CRYZ: variants seen among roughly 807,000 people sequenced by gnomAD.
The protein encoded by CRYZ is crystallin zeta, also known as zeta-crystallin.
Under a neutral mutation model 34.1 loss-of-function variants are expected in CRYZ, and 35 were observed. The ratio of observed to expected loss-of-function variants is 1.03; its 90% CI spans 0.78 to 1.36. CRYZ has a LOEUF of 1.36. Ranked by LOEUF, CRYZ falls within the 40% of genes most tolerant of loss-of-function variation. CRYZ has a pLI of 0.00. For missense variants in CRYZ, 403 were observed against 391.8 expected (o/e 1.03, Z -0.24); for synonymous variants, 137 against 136.5 (o/e 1.00, Z -0.03).
intron 2 of CRYZ, among the ~76,000 whole-genome samples, chr1:74,723,765 G>A (rs1010224963): frequency 7.2e-5 from 11 of 152,220 alleles, no homozygotes; most frequent in African/African-American, 2.4e-4. Flanking sequence ...AGAGCCACAT[G>A]AAAGAAGAAG....
intron 3 of CRYZ, among the ~76,000 whole-genome samples, chr1:74,722,757 A>G (rs1254304729): frequency 6.6e-6 from 1 of 152,150 alleles, no homozygotes; most frequent in Non-Finnish European, 1.5e-5. Context: ...CAAAATTTAT[A>G]AGAGAAATTA....
chr1:74,723,224 T>G lies in CRYZ; in HGVS notation c.158A>C (p.Tyr53Ser). ...HACGVNPVETYIRSGTYSRKP... is the reference protein window; with the variant it reads ...HACGVNPVETSIRSGTYSRKP... The stretch of plus-strand genomic sequence containing the variant: ...TCTACTATAAGTACCAGAGCGAATG[T>G]ATGTCTCCACGGGGTTGACACCACA... The change falls in exon 3 of 9, where the codon TAC becomes TCC. Residue 53 changes from tyrosine (Y) to serine (S), a missense_variant. Coordinates refer to ENST00000340866, the MANE Select transcript of CRYZ (RefSeq NM_001889.4). 1 of 1,614,036 alleles carries G rather than the reference T, an allele frequency of 6.2e-7. No homozygotes were observed. Among genetic ancestry groups the G allele is most frequent in the Non-Finnish European group, 8.5e-7 (1 of 1,179,948 alleles).
At chr1:74,717,055 T>A (rs1439792724) in intron 4 of CRYZ, among the ~76,000 whole-genome samples, 1 of 152,102 alleles carries the variant, frequency 6.6e-6, no homozygotes, top group East Asian at 1.9e-4. Flanking sequence ...CAACACTCCA[T>A]CTCCCTATCC....
At chr1:74,707,335 G>C in intron 6 of CRYZ, 131 bp from the exon 7 acceptor site, 1 of 579,880 alleles carries the variant, frequency 1.7e-6, no homozygotes, top group Non-Finnish European at 3.0e-6. Context: ...GACTAATAAT[G>C]CAAAATTTTA....
intron 3 of CRYZ, among the ~76,000 whole-genome samples, chr1:74,722,270 A>C (rs190332780): frequency 6.6e-6 from 1 of 151,914 alleles, no homozygotes; most frequent in East Asian, 1.9e-4. Flanking sequence ...AAGTTTAAAG[A>C]AAAAGTTAAG....
chr1:74,724,569 T>A (rs941918848), intron 2 of CRYZ, 142 bp downstream of exon 2: 4 of 519,276 alleles, frequency 7.7e-6, no homozygotes, highest in African/African-American at 5.9e-5. Context: ...ACTTTATCAA[T>A]GTCCATATGT....
Position 74,723,239 on chromosome 1 carries a change from T to C in CRYZ, c.143A>G (p.Asn48Ser). 6.2e-7 allele frequency: 1 copy of C among 1,613,682 alleles called. No individual in the cohort carries two copies. Among genetic ancestry groups the C allele is most frequent in the Non-Finnish European group, 8.5e-7 (1 of 1,179,884 alleles). ...VLIKVHACGV[N>S]PVETYIRSGT... The stretch of plus-strand genomic sequence containing the variant: ...AGAGCGAATGTATGTCTCCACGGGG[T>C]TGACACCACATGCATGGACCTTGAT... The change falls in exon 3 of 9, where the codon AAC (asparagine) becomes AGC (serine). Residue 48 changes from asparagine (N) to serine (S), a missense_variant. Physicochemically the swap from Asn to Ser is conservative, Grantham distance 46. Transcript: ENST00000340866.
In CRYZ at chr1:74,705,622, A is replaced by G. The variant is rs2100684872; in HGVS notation, c.*674T>C. The G allele has an allele frequency of 6.6e-6, 1 of 152,276 alleles. No individual in the cohort carries two copies. Among genetic ancestry groups the G allele is most frequent in the East Asian group, 1.9e-4 (1 of 5,190 alleles). 9.4% of individuals were successfully genotyped at this position (152,276 alleles called of 1,614,324 possible). A position where few individuals can be genotyped will look rare whatever the true frequency, so the allele number is the denominator to read the frequency against. On this transcript the variant is annotated 3_prime_UTR_variant, in exon 9 of 9. Transcript: ENST00000340866. ...CAGAAAAACAGATAACTCTAAATCT[A>G]CTCTGAAAATCTAATCAATTGCGAA...
Position 74,707,138 on chromosome 1 carries a change from C to G in CRYZ, c.697G>C (p.Asp233His). The G allele has an allele frequency of 6.3e-7, 1 of 1,589,706 alleles. No homozygotes were observed. Among genetic ancestry groups the G allele is most frequent in the Non-Finnish European group, 8.6e-7 (1 of 1,167,046 alleles). Reference sequence around the variant, plus strand: ...CCTCCATGTGACAGAAGACTCAAGTCTTTACTAAGATTTACATTAGCTAAC... The same window carrying G: ...CCTCCATGTGACAGAAGACTCAAGTGTTTACTAAGATTTACATTAGCTAAC... Reference protein sequence around the residue: ...EMLANVNLSKDLSLLSHGGRV... With the variant: ...EMLANVNLSKHLSLLSHGGRV... The change falls in exon 7 of 9, where the codon GAC becomes CAC. Residue 233 changes from aspartate to histidine, a missense_variant. Coordinates refer to ENST00000340866, the MANE Select transcript of CRYZ (RefSeq NM_001889.4).
chr1:74,716,627 C>T (rs1647079121), intron 4 of CRYZ, among the ~76,000 whole-genome samples: 2 of 152,136 alleles, frequency 1.3e-5, no homozygotes, highest in Non-Finnish European at 2.9e-5. Flanking sequence ...ATATCAGATG[C>T]CAATAACCAA....
chr1:74,706,351 T>C lies in CRYZ; in HGVS notation c.935A>G (p.His312Arg). ...CCCACTACCATGAATGATATTTTCATGAGCCTCGGCCACCTTCTCCAATGG... is the reference window on the plus strand; with the variant it reads ...CCCACTACCATGAATGATATTTTCACGAGCCTCGGCCACCTTCTCCAATGG... ...QYPLEKVAEA[H>R]ENIIHGSGAT... The change falls in exon 9 of 9, where the codon CAT (histidine) becomes CGT (arginine). Residue 312 changes from histidine to arginine, a missense_variant. His to Arg is a conservative substitution (Grantham distance 29). Coordinates refer to ENST00000340866, the MANE Select transcript of CRYZ (RefSeq NM_001889.4). 1 of 1,612,744 alleles carries C rather than the reference T, an allele frequency of 6.2e-7. No individual in the cohort carries two copies. Among genetic ancestry groups the C allele is most frequent in the Non-Finnish European group, 8.5e-7 (1 of 1,179,258 alleles).
At chr1:74,727,772 T>A (rs1045282020) in intron 1 of CRYZ, among the ~76,000 whole-genome samples, 1 of 152,140 alleles carries the variant, frequency 6.6e-6, no homozygotes, top group Non-Finnish European at 1.5e-5. Context: ...GTGGGAATTA[T>A]GGGAGCTACA....
Position 74,712,475 on chromosome 1 carries a change from G to C in CRYZ, c.480+2104C>G, listed in dbSNP as rs540130816. Among the ~76,000 whole-genome samples the C allele has an allele frequency of 3.9e-5, 6 of 152,290 alleles. No individual in the cohort carries two copies. The East Asian group carries it at 1.2e-3, about 29-fold the overall frequency. On this transcript the variant is annotated intron_variant, in intron 5 of 8. Coordinates refer to ENST00000340866, the MANE Select transcript of CRYZ (RefSeq NM_001889.4). ...CCGGGTTCGGCAAGAAAAGAATTAAGATGAAAAATAATGATAGAAACAGAT... is the reference window on the plus strand; with the variant it reads ...CCGGGTTCGGCAAGAAAAGAATTAACATGAAAAATAATGATAGAAACAGAT...
intron 8 of CRYZ, 140 bp downstream of exon 8, chr1:74,706,759 G>A: frequency 5.6e-6 from 4 of 715,822 alleles, no homozygotes; most frequent in Non-Finnish European, 9.8e-6. Flanking sequence ...CACCCTAGTT[G>A]TCCTTCTGGT....
intron 5 of CRYZ, among the ~76,000 whole-genome samples, chr1:74,711,597 T>C (rs1647004307): frequency 6.6e-6 from 1 of 152,132 alleles, no homozygotes; most frequent in African/African-American, 2.4e-5. Flanking sequence ...ATCTCCAGAT[T>C]TCACTTTGCC....
chr1:74,718,258 T>G (rs1439279745), intron 4 of CRYZ, among the ~76,000 whole-genome samples: 2 of 152,086 alleles, frequency 1.3e-5, no homozygotes, highest in Non-Finnish European at 1.5e-5. Flanking sequence ...GAACCCTTGC[T>G]CTGGCCCATA....
At position 74,719,360 on chromosome 1, in the gene CRYZ, C is replaced by T. The variant is rs1647123297; in HGVS notation, c.277G>A (p.Val93Ile). 1.2e-6 allele frequency: 2 copies of T among 1,609,760 alleles called. No individual in the cohort carries two copies. The highest frequency in any genetic ancestry group is 1.7e-6 in the Non-Finnish European group (2 of 1,176,632). The part of the protein sequence containing the change: ...NASAFKKGDR[V>I]FTSSTISGGY... ...CCAGAGATCGTGCTGCTAGTGAAAA[C>T]TCTGTCACCTTTCTAGGGGAAGAGA... is the stretch of plus-strand genomic sequence containing the variant. Residue 93 changes from valine (V) to isoleucine (I), a missense_variant, in exon 4 of 9, where the codon GTT (valine) becomes ATT (isoleucine). By Grantham distance (29) the Val-to-Ile change is conservative (BLOSUM62 3). Coordinates refer to ENST00000340866, the MANE Select transcript of CRYZ (RefSeq NM_001889.4).
rs1047348604 is a variant in CRYZ, at chr1:74,723,136, A to G, written c.246T>C (p.Asp82=). ...DVAGVIEAVG[D]NASAFKKGDR... ...GCAATACCTTGAAAGCAGATGCATTATCTCCAACAGCTTCTATCACCCCAG... is the reference window on the plus strand; with the variant it reads ...GCAATACCTTGAAAGCAGATGCATTGTCTCCAACAGCTTCTATCACCCCAG... Residue 82 remains aspartate, a synonymous_variant, in exon 3 of 9, where the codon GAT becomes GAC. Transcript: ENST00000340866. 11 of 1,611,748 alleles carry G rather than the reference A, an allele frequency of 6.8e-6. No homozygotes were observed. The highest frequency in any genetic ancestry group is 9.3e-6 in the Non-Finnish European group (11 of 1,179,506).
rs1646929544 is a variant in CRYZ, at chr1:74,706,390, A to C, written c.896T>G (p.Ile299Arg). ...GMEIGWLKPV[I>R]GSQYPLEKVA... ...CTTCTCCAATGGATATTGAGAACCT[A>C]TCACAGGTTTCAACCAGCCAATTTC... Residue 299 changes from isoleucine (I) to arginine (R), a missense_variant, in exon 9 of 9, where the codon ATA becomes AGA. Ile to Arg is a moderately conservative substitution (Grantham distance 97). Coordinates refer to ENST00000340866, the MANE Select transcript of CRYZ (RefSeq NM_001889.4). The C allele has an allele frequency of 2.5e-6, 4 of 1,612,880 alleles. No homozygotes were observed. The highest frequency in any genetic ancestry group is 3.4e-6 in the Non-Finnish European group (4 of 1,179,300).
Sources: allele counts gnomAD v4.1 joint callset (sites outside exome capture counted in the v4.1 genomes callset), GRCh38; gene constraint gnomAD v4.1.1; transcripts MANE v1.5; gene names NCBI Gene and HGNC (gene_info 2026-07-23, HGNC 2026-07-21).